MCPH1: variants seen among roughly 807,000 people sequenced by gnomAD.
MCPH1 encodes microcephalin 1.
Under a neutral mutation model 84.5 loss-of-function variants are expected in MCPH1, and 104 were observed. The ratio of observed to expected loss-of-function variants is 1.23; its 90% CI spans 1.05 to 1.45. The LOEUF is 1.45. Ranked by LOEUF, MCPH1 falls within the 40% of genes most tolerant of loss-of-function variation. The pLI, the probability that MCPH1 is intolerant of heterozygous loss-of-function variation, is 0.00. For missense variants in MCPH1, 1,498 were observed against 1,005.7 expected (o/e 1.49, Z -6.62); for synonymous variants, 514 against 366.8 (o/e 1.40, Z -4.58).
chr8:6,569,909 A>G (rs1169202804), intron 12 of MCPH1, among the ~76,000 whole-genome samples: 1 of 152,168 alleles, frequency 6.6e-6, no homozygotes, highest in African/African-American at 2.4e-5. Flanking sequence ...CTTGTATGAA[A>G]GCTCACCAGA....
Position 6,452,355 on chromosome 8 carries a change from A to C in MCPH1, c.1826-2788A>C, listed in dbSNP as rs546730453. Among the ~76,000 whole-genome samples, 182 of 152,362 alleles carry C rather than the reference A, an allele frequency of 1.2e-3. 3 individuals carry two copies. The East Asian group carries it at 0.029, about 25-fold the overall frequency. ...TTGATGGTATTATTAATCCAAACTA[A>C]TTTCCAAATGGTGAAATTTCAGATA... On this transcript the variant is annotated intron_variant, in intron 8 of 13. Transcript: ENST00000344683.
chr8:6,470,340 G>A (rs1245486393), intron 9 of MCPH1, among the ~76,000 whole-genome samples: 2 of 152,080 alleles, frequency 1.3e-5, no homozygotes, highest in Admixed American at 1.3e-4. Flanking sequence ...CTGGAGTGCA[G>A]TGGCGCGATC....
In MCPH1 at chr8:6,431,584, AAAGT is replaced by A. The variant is rs1202464308; in HGVS notation, c.321+4_321+7del. ...ACACTTATCAAGCCTAATTAAAAAA[AAAGT>A]AAGTACATGATTTCAATGTAGATAA... is the stretch of plus-strand genomic sequence containing the variant. On this transcript the variant is annotated splice_donor_variant and coding_sequence_variant, in exon 4 of 14. Transcript: ENST00000344683. LOFTEE classifies it high-confidence loss of function. 6.3e-7 allele frequency: 1 copy of A among 1,598,622 alleles called. No homozygotes were observed. Among genetic ancestry groups the A allele is most frequent in the Non-Finnish European group, 8.6e-7 (1 of 1,167,402 alleles).
At chr8:6,571,902 G>C (rs913499392) in intron 12 of MCPH1, among the ~76,000 whole-genome samples, 1 of 152,136 alleles carries the variant, frequency 6.6e-6, no homozygotes, top group Non-Finnish European at 1.5e-5. Flanking sequence ...AATATTCCTT[G>C]TCACTCTTGT....
intron 12 of MCPH1, among the ~76,000 whole-genome samples, chr8:6,556,472 C>T (rs371657119): frequency 1.3e-4 from 20 of 150,122 alleles, no homozygotes; most frequent in African/African-American, 3.9e-4. Flanking sequence ...GTCCCTCACA[C>T]GCCTGACTCC....
chr8:6,548,503 C>T (rs1326691684), intron 12 of MCPH1, among the ~76,000 whole-genome samples: 1 of 152,174 alleles, frequency 6.6e-6, no homozygotes, highest in Non-Finnish European at 1.5e-5. Flanking sequence ...TTCATTGCAG[C>T]TTACTTGCAT....
At chr8:6,497,803 C>G (rs1019002795) in intron 11 of MCPH1, among the ~76,000 whole-genome samples, 1 of 152,128 alleles carries the variant, frequency 6.6e-6, no homozygotes, top group Non-Finnish European at 1.5e-5. Flanking sequence ...AAAACTTGTG[C>G]TTTCTATAGA....
intron 13 of MCPH1, among the ~76,000 whole-genome samples, chr8:6,624,416 G>A (rs1391831480): frequency 6.6e-6 from 1 of 150,850 alleles, no homozygotes. Flanking sequence ...CGTCTCCAGC[G>A]TAGTGGGCGT....
intron 12 of MCPH1, among the ~76,000 whole-genome samples, chr8:6,516,507 A>G (rs1246513406): frequency 3.3e-5 from 5 of 152,226 alleles, no homozygotes; most frequent in South Asian, 2.1e-4. Context: ...AAATAGGCCA[A>G]AAGTCCCTCA....
chr8:6,538,473 G>C (rs1820910972), intron 12 of MCPH1, among the ~76,000 whole-genome samples: 2 of 152,180 alleles, frequency 1.3e-5, no homozygotes, highest in African/African-American at 4.8e-5. Context: ...ATAAGGTCCA[G>C]ATTCCTTCTT....
At chr8:6,586,920 C>G (rs1046269106) in intron 12 of MCPH1, among the ~76,000 whole-genome samples, 1 of 152,224 alleles carries the variant, frequency 6.6e-6, no homozygotes, top group Non-Finnish European at 1.5e-5. Flanking sequence ...TGCTTCCTTT[C>G]TGATGGAAAC....
rs888253275 is a variant in MCPH1 at position 6,473,524 on chromosome 8, G to A, written c.1936-4070G>A. Among the ~76,000 whole-genome samples the A allele has an allele frequency of 1.3e-5, 2 of 151,750 alleles. 1 individual carries two copies. The highest frequency in any genetic ancestry group is 4.8e-5 in the African/African-American group (2 of 41,296). On this transcript the variant is annotated intron_variant, in intron 9 of 13. Transcript: ENST00000344683. The stretch of plus-strand genomic sequence containing the variant: ...TTTTTTGTATTTTTAGTAGAGATGA[G>A]GTTTCACAGTGTTAGCCAGGATGGT...
intron 12 of MCPH1, among the ~76,000 whole-genome samples, chr8:6,507,054 C>T (rs2442467): frequency 0.18 from 28,075 of 151,898 alleles, 3,414 homozygotes; most frequent in African/African-American, 0.35. Flanking sequence ...TATGCCACCA[C>T]GCCTGGCTAA....
At chr8:6,499,806 A>G (rs1018134967) in intron 11 of MCPH1, 46 bp from the exon 12 acceptor site, 18 of 1,545,162 alleles carry the variant, frequency 1.2e-5, no homozygotes, top group Non-Finnish European at 1.6e-5. Flanking sequence ...ATTGCCTGCT[A>G]AGGCTAATAA....
rs768268033 is a variant in MCPH1, at chr8:6,621,466, G to C, written c.2227G>C (p.Glu743Gln). The change falls in exon 13 of 14, where the codon GAG becomes CAG. Residue 743 changes from glutamate (E) to glutamine (Q), a missense_variant. Glu to Gln is a conservative substitution (Grantham distance 29). Transcript: ENST00000344683. ...HFPAAPLCRSECHLSAGPYRG... is the reference protein window; with the variant it reads ...HFPAAPLCRSQCHLSAGPYRG... Reference sequence around the variant, plus strand: ...GTCTGCCCCACAGCTGTGCCGAAGCGAGTGCCACTTGTCTGCAGGGCCGTA... The same window carrying C: ...GTCTGCCCCACAGCTGTGCCGAAGCCAGTGCCACTTGTCTGCAGGGCCGTA... The C allele has an allele frequency of 6.2e-7, 1 of 1,613,934 alleles. No homozygotes were observed. The highest frequency in any genetic ancestry group is 1.3e-5 in the African/African-American group (1 of 74,922).
intron 12 of MCPH1, chr8:6,562,516 A>C: frequency 2.6e-6 from 2 of 779,168 alleles, no homozygotes; most frequent in East Asian, 2.9e-5. Context: ...GGTACCAGCA[A>C]CCCGCTCTCC....
intron 12 of MCPH1, among the ~76,000 whole-genome samples, chr8:6,595,241 A>G (rs1350785958): frequency 6.6e-6 from 1 of 152,172 alleles, no homozygotes; most frequent in Non-Finnish European, 1.5e-5. Flanking sequence ...CCCTGTCCAC[A>G]TGGAGACTTC....
At chr8:6,472,588 T>G (rs556779324) in intron 9 of MCPH1, among the ~76,000 whole-genome samples, 1 of 152,130 alleles carries the variant, frequency 6.6e-6, no homozygotes, top group East Asian at 1.9e-4. Context: ...TGCCCCAGCC[T>G]CCCAAGTAGC....
intron 12 of MCPH1, among the ~76,000 whole-genome samples, chr8:6,513,000 A>G (rs752360734): frequency 6.6e-6 from 1 of 152,248 alleles, no homozygotes; most frequent in Non-Finnish European, 1.5e-5. Flanking sequence ...ACCTTTTGGA[A>G]TAAAACAGCA....
Sources: allele counts gnomAD v4.1 joint callset (sites outside exome capture counted in the v4.1 genomes callset), GRCh38; gene constraint gnomAD v4.1.1; transcripts MANE v1.5; gene names NCBI Gene and HGNC (gene_info 2026-07-23, HGNC 2026-07-21).